ROBO2: variants seen among roughly 807,000 people sequenced by gnomAD.
The protein encoded by ROBO2 is roundabout homolog 2.
In ROBO2, 53 loss-of-function variants were observed where a neutral mutation model predicts 160.8. The ratio of observed to expected loss-of-function variants is 0.33; its 90% CI spans 0.26 to 0.41. The LOEUF (loss-of-function observed/expected upper bound fraction) is 0.41, where lower values mean the gene tolerates loss of function less well. ROBO2 is among the 10% of genes least tolerant of loss of function. The pLI, the probability that ROBO2 is intolerant of heterozygous loss-of-function variation, is 1.00. For missense variants in ROBO2, 1,577 were observed against 1,722.4 expected (o/e 0.92, Z 1.49); for synonymous variants, 664 against 611.7 (o/e 1.09, Z -1.26).
At chr3:76,155,861 G>C (rs1037304614) in intron 2 of ROBO2, among the ~76,000 whole-genome samples, 5 of 152,086 alleles carry the variant, frequency 3.3e-5, no homozygotes, top group African/African-American at 1.2e-4. Flanking sequence ...GTATCGCAAG[G>C]CAAACTTAAT....
chr3:76,965,785 G>GTGTATATA lies in ROBO2; in HGVS notation c.110-132228_110-132227insGTATATAT, dbSNP rs1424338840. Reference sequence around the variant, plus strand: ...CTATACCATTATTTATTGTGTTTGTGTATATATATATATATATATATATAT... The same window carrying GTGTATATA: ...CTATACCATTATTTATTGTGTTTGTGTGTATATATATATATATATATATATATATATAT... On this transcript the variant is annotated intron_variant, in intron 2 of 26. Coordinates refer to the ROBO2 transcript ENST00000487694. Among the ~76,000 whole-genome samples, 543 of 129,196 alleles carry GTGTATATA rather than the reference G, an allele frequency of 4.2e-3. 4 individuals carry two copies. Among genetic ancestry groups the GTGTATATA allele is most frequent in the African/African-American group, 0.014 (459 of 32,056 alleles). 84.8% of individuals were successfully genotyped at this position (129,196 alleles called of 152,430 possible).
intron 2 of ROBO2, among the ~76,000 whole-genome samples, chr3:77,165,172 T>C (rs2078956330): frequency 6.6e-6 from 1 of 151,064 alleles, no homozygotes; most frequent in African/African-American, 2.4e-5. Context: ...CGTGTCTGTG[T>C]GGAAAGAAGT....
chr3:75,979,301 A>T (rs1467763535), intron 2 of ROBO2, among the ~76,000 whole-genome samples: 1 of 151,596 alleles, frequency 6.6e-6, no homozygotes, highest in Non-Finnish European at 1.5e-5. Context: ...AAGTAAGGGA[A>T]TATACACACA....
chr3:76,201,595 C>G (rs893516675), intron 2 of ROBO2, among the ~76,000 whole-genome samples: 1 of 152,070 alleles, frequency 6.6e-6, no homozygotes, highest in African/African-American at 2.4e-5. Flanking sequence ...TGCCGTTACC[C>G]TCTTCAAAGC....
At chr3:76,271,682 C>T (rs1018766108) in intron 2 of ROBO2, among the ~76,000 whole-genome samples, 1 of 151,774 alleles carries the variant, frequency 6.6e-6, no homozygotes, top group Non-Finnish European at 1.5e-5. Context: ...GAATTATCAA[C>T]TGTATAGCAC....
At chr3:77,434,334 A>C (rs1296230414) in intron 2 of ROBO2, among the ~76,000 whole-genome samples, 1 of 152,024 alleles carries the variant, frequency 6.6e-6, no homozygotes, top group Non-Finnish European at 1.5e-5. Context: ...CCCATTTGCA[A>C]CTGTATTCAC....
chr3:76,461,409 C>A (rs991487175), intron 2 of ROBO2, among the ~76,000 whole-genome samples: 2 of 152,094 alleles, frequency 1.3e-5, no homozygotes, highest in Non-Finnish European at 2.9e-5. Context: ...CTATATCAAC[C>A]ACTATTGTAG....
chr3:76,287,811 A>G (rs1708586030), intron 2 of ROBO2, among the ~76,000 whole-genome samples: 1 of 152,226 alleles, frequency 6.6e-6, no homozygotes, highest in African/African-American at 2.4e-5. Flanking sequence ...AGTAAGATAC[A>G]TATCTGCACT....
chr3:76,264,395 T>C (rs1706966395), intron 2 of ROBO2, among the ~76,000 whole-genome samples: 1 of 151,750 alleles, frequency 6.6e-6, no homozygotes, highest in Admixed American at 6.6e-5. Flanking sequence ...TTAACATCCA[T>C]GCACCTTTCC....
intron 14 of ROBO2, among the ~76,000 whole-genome samples, chr3:77,575,186 G>A (rs2093730452): frequency 1.3e-5 from 2 of 152,040 alleles, no homozygotes; most frequent in Admixed American, 6.6e-5. Context: ...GGGCACTTGC[G>A]TATTTGCAGT....
chr3:76,202,380 G>A (rs571050923), intron 2 of ROBO2, among the ~76,000 whole-genome samples: 26 of 152,090 alleles, frequency 1.7e-4, no homozygotes, highest in Non-Finnish European at 3.1e-4. Context: ...TAGGAAACGC[G>A]GATTGATGAA....
chr3:76,736,401 G>C (rs944842924), intron 2 of ROBO2, among the ~76,000 whole-genome samples: 8 of 152,126 alleles, frequency 5.3e-5, no homozygotes, highest in Non-Finnish European at 1.2e-4. Context: ...TGGTTTGGGG[G>C]CATTTTCACA....
rs1377109402 is a variant in ROBO2, at chr3:76,085,110, TATATATACACAC to T, written c.109+147510_109+147521del. 2.1e-5 allele frequency among the ~76,000 whole-genome samples: 3 copies of T among 144,082 alleles called. No homozygotes were observed. The East Asian group carries it at 5.9e-4, about 28-fold the overall frequency. The allele number at this position is 144,082 out of a possible 152,430, so 94.5% of individuals were successfully genotyped here. A position where few individuals can be genotyped will look rare whatever the true frequency, so the allele number is the denominator to read the frequency against. On this transcript the variant is annotated intron_variant, in intron 2 of 26. Transcript: ENST00000487694. The stretch of plus-strand genomic sequence containing the variant: ...ACAAACCCCCCAGTTTACATATATA[TATATATACACAC>T]ACACACACACACACACACATACGTA...
chr3:75,989,391 C>T (rs1053179987), intron 2 of ROBO2, among the ~76,000 whole-genome samples: 2 of 152,154 alleles, frequency 1.3e-5, no homozygotes, highest in Admixed American at 6.5e-5. Context: ...GCTGGGATTA[C>T]AGGCATGAGC....
At chr3:76,062,126 T>G in intron 2 of ROBO2, among the ~76,000 whole-genome samples, 1 of 152,080 alleles carries the variant, frequency 6.6e-6, no homozygotes, top group East Asian at 1.9e-4. Flanking sequence ...CATTCACAGG[T>G]TTACAGAGAT....
At chr3:76,153,093 T>C (rs73844503) in intron 2 of ROBO2, among the ~76,000 whole-genome samples, 3,897 of 152,226 alleles carry the variant, frequency 0.026, 191 homozygotes, top group African/African-American at 0.089. Flanking sequence ...AACAAATAAA[T>C]CTCTTGTGGA....
At chr3:76,871,154 C>T (rs367605515) in intron 2 of ROBO2, among the ~76,000 whole-genome samples, 1 of 152,170 alleles carries the variant, frequency 6.6e-6, no homozygotes, top group South Asian at 2.1e-4. Flanking sequence ...TAAATGATTT[C>T]GTCATCACTC....
At chr3:77,444,573 T>A (rs914648482) in intron 2 of ROBO2, among the ~76,000 whole-genome samples, 6 of 152,288 alleles carry the variant, frequency 3.9e-5, no homozygotes, top group Admixed American at 3.3e-4. Flanking sequence ...TTTGCCACCA[T>A]GAAAAGTTTT....
intron 6 of ROBO2, among the ~76,000 whole-genome samples, chr3:77,526,205 T>C (rs959112279): frequency 6.6e-6 from 1 of 151,500 alleles, no homozygotes; most frequent in Non-Finnish European, 1.5e-5. Context: ...GCTTCCCTGT[T>C]TTAATTGTGA....
Sources: gnomAD v4.1 joint callset for allele counts (sites outside exome capture counted in the v4.1 genomes callset) on GRCh38, gnomAD v4.1.1 for gene constraint, MANE v1.5 for transcripts, NCBI Gene and HGNC (gene_info 2026-07-23, HGNC 2026-07-21) for gene names.